Variants in MAGEC3 observed in about 807,000 individuals in gnomAD.
MAGEC3 encodes the protein MAGE family member C3, also known as melanoma-associated antigen C3.
MAGEC3 carries 34 observed loss-of-function variants against 35.3 expected under a neutral mutation model. That is an observed-to-expected ratio of 0.96 (90% CI 0.73 to 1.28). MAGEC3 has a LOEUF of 1.28. Among genes scored for constraint, MAGEC3 ranks in the 50% most tolerant of loss-of-function variants. The pLI, the probability that MAGEC3 is intolerant of heterozygous loss-of-function variation, is 0.00. For synonymous variants in MAGEC3, 202 were observed against 185.6 expected (o/e 1.09, Z -0.72); for missense variants, 561 against 483.6 (o/e 1.16, Z -1.50).
intron 1 of MAGEC3, among the ~76,000 whole-genome samples, chrX:141,853,851 T>G: frequency 9.0e-6 from 1 of 111,326 alleles, no homozygotes; most frequent in East Asian, 2.9e-4. Flanking sequence ...AATGATTCTT[T>G]TTTTGCCAAT....
intron 2 of MAGEC3, among the ~76,000 whole-genome samples, chrX:141,869,622 G>T (rs929750401): frequency 8.9e-6 from 1 of 111,759 alleles, no homozygotes; most frequent in African/African-American, 3.3e-5. Context: ...TGTTGTTGTT[G>T]TGAGAAACCT....
intron 1 of MAGEC3, among the ~76,000 whole-genome samples, chrX:141,863,064 A>T (rs143095964): frequency 0.021 from 2,358 of 111,990 alleles, 16 homozygotes; most frequent in Middle Eastern, 0.042. Flanking sequence ...CCCATAAATA[A>T]GTACATATAT....
At chrX:141,838,609 C>A (rs1003910183) in intron 1 of MAGEC3, 171 bp downstream of exon 1, 2 of 729,759 alleles carry the variant, frequency 2.7e-6, no homozygotes, top group Admixed American at 8.6e-5. Context: ...CCCTTGGTTG[C>A]AGTAGCCTGT....
rs764231515 is a variant in MAGEC3 at position 141,881,646 on chromosome X, A to G, written c.759A>G (p.Val253=). ...EVDPDHFYVF[V]NTLDLTCEGS... is the part of the protein sequence containing the mutation. ...ACCCCGACCATTTCTATGTCTTTGT[A>G]AACACATTAGACCTCACCTGTGAGG... is the stretch of plus-strand genomic sequence containing the variant. Residue 253 remains valine, a synonymous_variant, in exon 4 of 8, where the codon GTA becomes GTG. Transcript: ENST00000298296. 1 of 1,209,832 alleles carries G rather than the reference A, an allele frequency of 8.3e-7. No homozygotes were observed. Among genetic ancestry groups the G allele is most frequent in the African/African-American group, 1.8e-5 (1 of 57,047 alleles).
intron 1 of MAGEC3, chrX:141,839,526 T>C: frequency 1.3e-6 from 1 of 754,420 alleles, no homozygotes; most frequent in Non-Finnish European, 1.6e-6. Context: ...GGCTGCCGGC[T>C]CTGGCTACAG....
intron 4 of MAGEC3, among the ~76,000 whole-genome samples, chrX:141,886,261 G>T (rs1435923981): frequency 1.8e-5 from 2 of 109,914 alleles, no homozygotes; most frequent in African/African-American, 6.8e-5. Flanking sequence ...ATGTTAAGTG[G>T]ACAAAAAACT....
In MAGEC3 at chrX:141,897,343, T is replaced by C; in HGVS notation, c.1585T>C (p.Leu529=). 1 of 1,211,773 alleles carries C rather than the reference T, an allele frequency of 8.3e-7. No homozygotes were observed. The highest frequency in any genetic ancestry group is 1.1e-6 in the Non-Finnish European group (1 of 895,484). Residue 529 remains leucine, a synonymous_variant, in exon 7 of 8, where the codon TTA becomes CTA. Coordinates refer to ENST00000298296, the MANE Select transcript of MAGEC3 (RefSeq NM_138702.1). The part of the protein sequence containing the change: ...DNHSYFFEDT[L]DLTYEGSLID... ...CCACTCCTATTTCTTTGAAGACACA[T>C]TAGACCTCACCTATGAGGGAAGCCT...
Position 141,897,094 on chromosome X carries a change from C to T in MAGEC3, c.1336C>T (p.Pro446Ser), listed in dbSNP as rs2018105436. 8.3e-7 allele frequency: 1 copy of T among 1,209,756 alleles called. No individual in the cohort carries two copies. Among genetic ancestry groups the T allele is most frequent in the Non-Finnish European group, 1.1e-6 (1 of 895,082 alleles). Residue 446 changes from proline to serine, a missense_variant, in exon 7 of 8, where the codon CCA becomes TCA. Transcript: ENST00000298296. ...EEDTATWHAL[P>S]ESESLPRYAL... The stretch of plus-strand genomic sequence containing the variant: ...GGATACAGCTACTTGGCATGCCTTG[C>T]CAGAAAGTGAATCCTTGCCCAGGTA...
At chrX:141,857,040 C>T (rs536181700) in intron 1 of MAGEC3, among the ~76,000 whole-genome samples, 1 of 111,580 alleles carries the variant, frequency 9.0e-6, no homozygotes. Flanking sequence ...CAGAAAAATT[C>T]ATGCTGTAGA....
intron 1 of MAGEC3, among the ~76,000 whole-genome samples, chrX:141,864,067 G>A (rs1206781081): frequency 9.0e-6 from 1 of 111,109 alleles, no homozygotes; most frequent in Non-Finnish European, 1.9e-5. Context: ...CCTCCTTGTT[G>A]GTCTATAGAA....
At chrX:141,865,860 T>C (rs2017845320) in intron 2 of MAGEC3, among the ~76,000 whole-genome samples, 1 of 111,844 alleles carries the variant, frequency 8.9e-6, no homozygotes, top group Non-Finnish European at 1.9e-5. Flanking sequence ...AGCCTTCCTC[T>C]ATAGATGGAC....
Position 141,895,391 on chromosome X carries a change from C to T in MAGEC3, c.1032C>T (p.Asp344=), listed in dbSNP as rs749011306. The T allele has an allele frequency of 8.3e-7, 1 of 1,210,671 alleles. No individual in the cohort carries two copies. The highest frequency in any genetic ancestry group is 1.1e-6 in the Non-Finnish European group (1 of 895,166). ...GGTCAGCAGAGGGAAGCGTCTTAGA[C>T]CTGGCCAATCCTCAAGGTAAGGGCC... is the stretch of plus-strand genomic sequence containing the variant. The part of the protein sequence containing the change: ...GLRSAEGSVL[D]LANPQGLAGH... The change falls in exon 5 of 8, where the codon GAC becomes GAT. Residue 344 remains aspartate (D), a synonymous_variant. Coordinates refer to ENST00000298296, the MANE Select transcript of MAGEC3 (RefSeq NM_138702.1).
At chrX:141,893,483 A>C (rs186833337) in intron 4 of MAGEC3, among the ~76,000 whole-genome samples, 1 of 110,904 alleles carries the variant, frequency 9.0e-6, no homozygotes, top group Admixed American at 9.6e-5. Context: ...GTAATGATGA[A>C]TACTCACCAT....
At chrX:141,846,502 A>G (rs1288611378) in intron 1 of MAGEC3, among the ~76,000 whole-genome samples, 1 of 110,517 alleles carries the variant, frequency 9.0e-6, no homozygotes, top group Non-Finnish European at 1.9e-5. Context: ...GAAAATATTT[A>G]ATAGTACAGA....
At chrX:141,847,776 A>G (rs2017725854) in intron 1 of MAGEC3, among the ~76,000 whole-genome samples, 1 of 111,454 alleles carries the variant, frequency 9.0e-6, no homozygotes, top group Non-Finnish European at 1.9e-5. Context: ...GATCTTAAGT[A>G]AATTAATCTC....
chrX:141,886,516 A>G (rs1352695433), intron 4 of MAGEC3, among the ~76,000 whole-genome samples: 1 of 111,412 alleles, frequency 9.0e-6, no homozygotes, highest in Middle Eastern at 4.2e-3. Context: ...ACTACTGGAC[A>G]CTGGCTCTGA....
intron 4 of MAGEC3, among the ~76,000 whole-genome samples, chrX:141,889,809 G>A (rs974482779): frequency 8.9e-6 from 1 of 112,287 alleles, no homozygotes; most frequent in African/African-American, 3.2e-5. Flanking sequence ...TTTGCTGAAA[G>A]CAAATGGAAT....
intron 4 of MAGEC3, among the ~76,000 whole-genome samples, chrX:141,890,736 G>A (rs766584406): frequency 2.7e-5 from 3 of 112,022 alleles, no homozygotes; most frequent in Middle Eastern, 4.6e-3. Flanking sequence ...TATAACAGTT[G>A]CTTTTAATTG....
At chrX:141,882,112 G>A (rs141412818) in intron 4 of MAGEC3, among the ~76,000 whole-genome samples, 2 of 111,793 alleles carry the variant, frequency 1.8e-5, no homozygotes, top group Non-Finnish European at 3.8e-5. Flanking sequence ...GCAAGGTTCC[G>A]TGTCATCTCC....
Sources: allele counts gnomAD v4.1 joint callset (sites outside exome capture counted in the v4.1 genomes callset), GRCh38; gene constraint gnomAD v4.1.1; transcripts MANE v1.5; gene names NCBI Gene and HGNC (gene_info 2026-07-23, HGNC 2026-07-21).